CNNM2: variants seen among roughly 807,000 people sequenced by gnomAD.
CNNM2 encodes the protein metal transporter CNNM2.
CNNM2 carries 12 observed loss-of-function variants against 66.9 expected under a neutral mutation model. The observed-to-expected ratio is 0.18, with a 90% CI of 0.11 to 0.29. CNNM2 has a LOEUF of 0.29. CNNM2 is among the 10% of genes least tolerant of loss of function. The probability of loss-of-function intolerance (pLI) is 1.00; values close to 1 mark genes in which losing one functional copy is unlikely to be tolerated. For missense variants in CNNM2, 705 were observed against 1,167.7 expected (o/e 0.60, Z 5.77); for synonymous variants, 557 against 501.8 (o/e 1.11, Z -1.47).
chr10:103,067,219 G>A (rs1037966777), intron 4 of CNNM2, among the ~76,000 whole-genome samples: 9 of 151,870 alleles, frequency 5.9e-5, no homozygotes, highest in African/African-American at 2.2e-4. Flanking sequence ...TGAGACTACA[G>A]GTGCACGCCA....
At chr10:103,007,407 G>T (rs1286517156) in intron 1 of CNNM2, among the ~76,000 whole-genome samples, 1 of 152,108 alleles carries the variant, frequency 6.6e-6, no homozygotes, top group East Asian at 1.9e-4. Flanking sequence ...CCAGGGTGGG[G>T]TTTCTTTCCC....
intron 1 of CNNM2, among the ~76,000 whole-genome samples, chr10:103,041,838 T>G (rs2065045433): frequency 6.6e-6 from 1 of 152,122 alleles, no homozygotes; most frequent in Non-Finnish European, 1.5e-5. Flanking sequence ...TTTGGTTCTA[T>G]CTCAGCCTCC....
chr10:102,934,275 CTTTCTTTTTTT>C (rs1846157071), intron 1 of CNNM2, among the ~76,000 whole-genome samples: 1 of 135,360 alleles, frequency 7.4e-6, no homozygotes, highest in Non-Finnish European at 1.6e-5. Context: ...TTCTTTCTTT[CTTTCTTTTTTT>C]TTTTTTGAGA....
In CNNM2 at chr10:103,082,803, T is replaced by TG. The variant is rs1312936653; in HGVS notation, c.*5623_*5624insG. 4 of 152,350 alleles carry TG rather than the reference T, an allele frequency of 2.6e-5. No homozygotes were observed. In the South Asian group the frequency reaches 6.2e-4, roughly 24 times the overall value. 9.4% of individuals were successfully genotyped at this position (152,350 alleles called of 1,614,324 possible). A position where few individuals can be genotyped will look rare whatever the true frequency, so the allele number is the denominator to read the frequency against. ...GGTCTCCTACCTTGTGGGCAGGGCC[T>TG]CTCAAGTACCTCCATGAAATATTTC... On this transcript the variant is annotated 3_prime_UTR_variant, in exon 8 of 8. Transcript: ENST00000369878.
At chr10:102,955,688 A>T (rs1847008035) in intron 1 of CNNM2, among the ~76,000 whole-genome samples, 1 of 152,188 alleles carries the variant, frequency 6.6e-6, no homozygotes, top group Admixed American at 6.5e-5. Context: ...GAAAAAAACA[A>T]ACAACCCCAT....
chr10:103,028,814 C>CTTTTTTTTTTTT (rs67846722), intron 1 of CNNM2, among the ~76,000 whole-genome samples: 15 of 126,162 alleles, frequency 1.2e-4, no homozygotes, highest in African/African-American at 2.1e-4. Flanking sequence ...TTTTCTTTTT[C>CTTTTTTTTTTTT]TTTTTTTTTT....
chr10:102,981,414 G>A (rs772334086), intron 1 of CNNM2, among the ~76,000 whole-genome samples: 4 of 151,554 alleles, frequency 2.6e-5, no homozygotes, highest in Non-Finnish European at 5.9e-5. Context: ...TTTACCTCTG[G>A]ATCCCCACAT....
chr10:103,017,367 C>T (rs1300017749), intron 1 of CNNM2, among the ~76,000 whole-genome samples: 1 of 152,146 alleles, frequency 6.6e-6, no homozygotes, highest in Non-Finnish European at 1.5e-5. Context: ...GGTCATGTCC[C>T]TGCCTTCTTG....
Position 103,015,404 on chromosome 10 carries a change from C to T in CNNM2, c.1622-34303C>T, listed in dbSNP as rs61870843. 3.2e-3 allele frequency among the ~76,000 whole-genome samples: 489 copies of T among 152,286 alleles called. 4 individuals carry two copies. Among genetic ancestry groups the T allele is most frequent in the Admixed American group, 4.3e-3 (66 of 15,290 alleles). ...AGACCCTACTCAAACTGTGTCTTTA[C>T]TGACTGATTTGCACTGATAGAACTG... is the stretch of plus-strand genomic sequence containing the variant. On this transcript the variant is annotated intron_variant, in intron 1 of 7. Transcript: ENST00000369878.
At chr10:103,014,065 TG>T (rs1350584489) in intron 1 of CNNM2, among the ~76,000 whole-genome samples, 3 of 152,226 alleles carry the variant, frequency 2.0e-5, no homozygotes, top group African/African-American at 7.2e-5. Flanking sequence ...TGTTTTTCAT[TG>T]GCCTGTTTAT....
chr10:102,939,441 C>T (rs1466549847), intron 1 of CNNM2, among the ~76,000 whole-genome samples: 1 of 152,138 alleles, frequency 6.6e-6, no homozygotes, highest in Admixed American at 6.6e-5. Flanking sequence ...TTGGTTGTTA[C>T]CTTTCCTCTC....
At chr10:102,927,558 C>T in intron 1 of CNNM2, 1 of 1,122,618 alleles carries the variant, frequency 8.9e-7, no homozygotes, top group Admixed American at 2.7e-5. Flanking sequence ...TCAGGAGTTC[C>T]AGACTGACAG....
chr10:103,078,730 C>A lies in CNNM2; in HGVS notation c.*1550C>A, dbSNP rs1172043977. On this transcript the variant is annotated 3_prime_UTR_variant, in exon 8 of 8. Transcript: ENST00000369878. ...CATCCATCACTAGGAAAGGAGAGAG[C>A]GTTTTCTGTTTAGGCTCACTGCGCA... 2 of 152,196 alleles carry A rather than the reference C, an allele frequency of 1.3e-5. No homozygotes were observed. The highest frequency in any genetic ancestry group is 4.8e-5 in the African/African-American group (2 of 41,424). 9.4% of individuals were successfully genotyped at this position (152,196 alleles called of 1,614,324 possible).
At position 102,988,477 on chromosome 10, in the gene CNNM2, A is replaced by G. The variant is rs138248458; in HGVS notation, c.1622-61230A>G. Among the ~76,000 whole-genome samples the G allele has an allele frequency of 1.5e-3, 223 of 152,278 alleles. 1 individual carries two copies. Among genetic ancestry groups the G allele is most frequent in the African/African-American group, 5.1e-3 (213 of 41,564 alleles). On this transcript the variant is annotated intron_variant, in intron 1 of 7. Coordinates refer to ENST00000369878, the MANE Select transcript of CNNM2 (RefSeq NM_017649.5). ...TTTCGTTTGACCACAAAGAAATTCT[A>G]TAGGTCTGGGATTCTCAAAGTTTTG...
At chr10:102,927,578 C>G in intron 1 of CNNM2, 1 of 885,716 alleles carries the variant, frequency 1.1e-6, no homozygotes. Context: ...GTCTGGCCAC[C>G]ATGGTGAAAC....
chr10:103,034,132 G>A (rs1007955238), intron 1 of CNNM2, among the ~76,000 whole-genome samples: 3 of 151,406 alleles, frequency 2.0e-5, no homozygotes, highest in Admixed American at 6.6e-5. Flanking sequence ...TTTGGGAGGG[G>A]GATAATCTTG....
At chr10:102,925,623 G>T (rs550199596) in intron 1 of CNNM2, among the ~76,000 whole-genome samples, 20 of 152,324 alleles carry the variant, frequency 1.3e-4, no homozygotes, top group Middle Eastern at 3.4e-3. Context: ...GCTCCAGCAG[G>T]CTGGTCTTCT....
At chr10:102,969,659 T>C (rs111705033) in intron 1 of CNNM2, among the ~76,000 whole-genome samples, 153 of 152,284 alleles carry the variant, frequency 1.0e-3, no homozygotes, top group Admixed American at 1.6e-3. Context: ...GTTTGTTTTC[T>C]TGAGGCGGAG....
At chr10:102,996,038 C>G (rs920054392) in intron 1 of CNNM2, among the ~76,000 whole-genome samples, 2 of 152,148 alleles carry the variant, frequency 1.3e-5, no homozygotes, top group Non-Finnish European at 2.9e-5. Flanking sequence ...TCCATTTTAT[C>G]AAAGTTGTCC....
Sources: gnomAD v4.1 joint callset for allele counts (sites outside exome capture counted in the v4.1 genomes callset) on GRCh38, gnomAD v4.1.1 for gene constraint, MANE v1.5 for transcripts, NCBI Gene and HGNC (gene_info 2026-07-23, HGNC 2026-07-21) for gene names.